The following DCDC2C variants were observed in gnomAD, a reference collection of about 807,000 sequenced individuals.
DCDC2C encodes the protein doublecortin domain containing 2C, also known as doublecortin domain-containing protein 2C.
In DCDC2C, 44 loss-of-function variants were observed where a neutral mutation model predicts 45.0. The observed-to-expected ratio is 0.98, with a 90% CI of 0.77 to 1.26. The LOEUF (loss-of-function observed/expected upper bound fraction) is 1.26, where lower values mean the gene tolerates loss of function less well. DCDC2C is among the 50% of genes most tolerant of loss of function. DCDC2C has a pLI of 0.00. For synonymous variants in DCDC2C, 187 were observed against 178.8 expected, an observed-to-expected ratio of 1.05 and a Z score of -0.37; for missense variants, 447 against 468.9, an observed-to-expected ratio of 0.95 and a Z score of 0.43.
intron 3 of DCDC2C, among the ~76,000 whole-genome samples, chr2:3,737,058 G>A (rs2148097345): frequency 6.6e-6 from 1 of 152,164 alleles, no homozygotes; most frequent in Admixed American, 6.5e-5. Flanking sequence ...ATCCCTAATG[G>A]CTCCATCCAA....
chr2:3,777,740 A>G (rs185338052), intron 8 of DCDC2C, among the ~76,000 whole-genome samples: 31 of 152,348 alleles, frequency 2.0e-4, no homozygotes, highest in African/African-American at 4.8e-5. Flanking sequence ...TACTGAAGAC[A>G]TACCTACACG....
intron 5 of DCDC2C, 49 bp downstream of exon 5, chr2:3,752,949 C>T: frequency 6.5e-7 from 1 of 1,533,472 alleles, no homozygotes; most frequent in Non-Finnish European, 8.8e-7. Context: ...AAAAAATTAG[C>T]CTTTTCCCCA....
intron 2 of DCDC2C, among the ~76,000 whole-genome samples, chr2:3,717,843 G>T (rs961604414): frequency 1.3e-5 from 2 of 152,118 alleles, no homozygotes; most frequent in Non-Finnish European, 2.9e-5. Context: ...CTCAAGCCAG[G>T]GTTTTGTGCA....
At chr2:3,763,556 C>A (rs1341228652) in intron 6 of DCDC2C, among the ~76,000 whole-genome samples, 1 of 152,216 alleles carries the variant, frequency 6.6e-6, no homozygotes, top group African/African-American at 2.4e-5. Context: ...CCAAGGTGGC[C>A]CTAGTCCCAC....
chr2:3,837,096 T>C (rs1672099420), intron 10 of DCDC2C, among the ~76,000 whole-genome samples: 2 of 152,144 alleles, frequency 1.3e-5, no homozygotes, highest in Admixed American at 1.3e-4. Flanking sequence ...TTTGGGGCCC[T>C]CCTGCTGGAC....
At chr2:3,725,618 A>AGGGAGGAGG (rs1216494640) in intron 2 of DCDC2C, among the ~76,000 whole-genome samples, 1 of 146,234 alleles carries the variant, frequency 6.8e-6, no homozygotes, top group Admixed American at 6.8e-5. Context: ...CTGGAGGGAG[A>AGGGAGGAGG]CCGCCAGAGT....
At chr2:3,758,220 TC>T (rs935478815) in intron 6 of DCDC2C, among the ~76,000 whole-genome samples, 1 of 152,176 alleles carries the variant, frequency 6.6e-6, no homozygotes, top group African/African-American at 2.4e-5. Flanking sequence ...GAGGGCATGT[TC>T]CCACATCCCG....
chr2:3,817,524 A>G (rs1036505123), intron 10 of DCDC2C, among the ~76,000 whole-genome samples: 7 of 152,194 alleles, frequency 4.6e-5, no homozygotes, highest in Non-Finnish European at 1.0e-4. Context: ...TTTGGAAGTT[A>G]TGAGAACTGT....
chr2:3,752,285 T>C (rs1457368602), intron 4 of DCDC2C, among the ~76,000 whole-genome samples: 2 of 152,226 alleles, frequency 1.3e-5, no homozygotes, highest in Non-Finnish European at 2.9e-5. Context: ...AATTGTATCA[T>C]TTCTTAAATA....
chr2:3,827,596 G>C (rs1671857413), intron 10 of DCDC2C, among the ~76,000 whole-genome samples: 1 of 152,106 alleles, frequency 6.6e-6, no homozygotes, highest in Non-Finnish European at 1.5e-5. Flanking sequence ...AATTTGTTTT[G>C]AATGTTGGGG....
At position 3,797,646 on chromosome 2, in the gene DCDC2C, G is replaced by T. The variant is rs1044277100; in HGVS notation, c.1065+12546G>T. The stretch of plus-strand genomic sequence containing the variant: ...TTATGTACCCAGTAGTCATTCAGGA[G>T]CAGGTTGTTCAGTTTCCATGTAGTT... On this transcript the variant is annotated intron_variant, in intron 10 of 10. Transcript: ENST00000399143. Among the ~76,000 whole-genome samples the T allele has an allele frequency of 2.7e-4, 41 of 150,924 alleles. 1 individual carries two copies. The highest frequency in any genetic ancestry group is 1.0e-3 in the African/African-American group (41 of 41,138).
rs116711783 is a variant in DCDC2C at position 3,767,567 on chromosome 2, T to A, written c.727-187T>A. On this transcript the variant is annotated intron_variant, in intron 6 of 10. Transcript: ENST00000399143. ...GAGAGAATTATTTTTGCTGCTTTCC[T>A]GAGGGGAATGCAAGTAATAGAGCAG... Among the ~76,000 whole-genome samples the A allele has an allele frequency of 8.3e-3, 1,265 of 152,282 alleles. 21 individuals are homozygous for A. Among genetic ancestry groups the A allele is most frequent in the African/African-American group, 0.029 (1,212 of 41,556 alleles).
intron 10 of DCDC2C, among the ~76,000 whole-genome samples, chr2:3,816,998 C>A (rs1019154608): frequency 6.6e-6 from 1 of 152,144 alleles, no homozygotes; most frequent in Non-Finnish European, 1.5e-5. Flanking sequence ...ATAGAATGGG[C>A]CTGTGAGGCT....
At position 3,741,626 on chromosome 2, in the gene DCDC2C, G is replaced by C. The variant is rs150855534; in HGVS notation, c.417-294G>C. 6.4e-4 allele frequency among the ~76,000 whole-genome samples: 97 copies of C among 152,118 alleles called. 1 individual carries two copies. Among genetic ancestry groups the C allele is most frequent in the African/African-American group, 2.1e-3 (88 of 41,476 alleles). ...TTTCGCAACCACTATTAACCCTAAG[G>C]CACCTTCACTCCTAGTGCTCTTTCT... is the stretch of plus-strand genomic sequence containing the variant. On this transcript the variant is annotated intron_variant, in intron 3 of 10. Coordinates refer to ENST00000399143, the MANE Select transcript of DCDC2C (RefSeq NM_001287444.2).
At chr2:3,735,132 G>A (rs553467076) in intron 3 of DCDC2C, among the ~76,000 whole-genome samples, 1 of 152,232 alleles carries the variant, frequency 6.6e-6, no homozygotes, top group South Asian at 2.1e-4. Flanking sequence ...AGACACACAG[G>A]ATAACTGAAC....
At chr2:3,755,184 T>C (rs1448202299) in intron 6 of DCDC2C, among the ~76,000 whole-genome samples, 1 of 152,178 alleles carries the variant, frequency 6.6e-6, no homozygotes, top group African/African-American at 2.4e-5. Flanking sequence ...TGCATGTGTG[T>C]GTATGGATGC....
At chr2:3,837,059 G>A (rs1157845575) in intron 10 of DCDC2C, among the ~76,000 whole-genome samples, 5 of 152,136 alleles carry the variant, frequency 3.3e-5, no homozygotes, top group African/African-American at 1.2e-4. Flanking sequence ...TGTTTGGTTG[G>A]AATCCTTCAG....
At chr2:3,721,000 A>C (rs1178313148) in intron 2 of DCDC2C, among the ~76,000 whole-genome samples, 1 of 152,006 alleles carries the variant, frequency 6.6e-6, no homozygotes, top group Non-Finnish European at 1.5e-5. Context: ...TTGTCTTTTG[A>C]TTCGTTCATT....
intron 8 of DCDC2C, among the ~76,000 whole-genome samples, chr2:3,773,265 G>T (rs2148161704): frequency 6.6e-6 from 1 of 151,940 alleles, no homozygotes; most frequent in East Asian, 1.9e-4. Context: ...TTCCCTCCTA[G>T]GCTGCATTCC....
Sources: gnomAD v4.1 joint callset for allele counts (sites outside exome capture counted in the v4.1 genomes callset) on GRCh38, gnomAD v4.1.1 for gene constraint, MANE v1.5 for transcripts, NCBI Gene and HGNC (gene_info 2026-07-23, HGNC 2026-07-21) for gene names.